Variants in OLA1 observed in about 807,000 individuals in gnomAD.
OLA1 encodes obg-like ATPase 1.
In OLA1, 14 loss-of-function variants were observed where a neutral mutation model predicts 48.4. That is an observed-to-expected ratio of 0.29 (90% confidence interval 0.19 to 0.45). The LOEUF (loss-of-function observed/expected upper bound fraction) is 0.45. Ranked by LOEUF, OLA1 falls within the 20% of genes least tolerant of loss-of-function variation. The probability of loss-of-function intolerance (pLI) is 1.00; values close to 1 mark genes in which losing one functional copy is unlikely to be tolerated. For missense variants in OLA1, 325 were observed against 467.1 expected (o/e 0.70, Z 2.80); for synonymous variants, 127 against 150.4 (o/e 0.84, Z 1.14).
chr2:174,087,894 T>G (rs1254807300), intron 7 of OLA1, among the ~76,000 whole-genome samples: 1 of 152,222 alleles, frequency 6.6e-6, no homozygotes, highest in East Asian at 1.9e-4. Flanking sequence ...TGATATACAT[T>G]AGGACATTCT....
chr2:174,203,631 G>A (rs1553488977), intron 4 of OLA1, among the ~76,000 whole-genome samples: 1 of 151,346 alleles, frequency 6.6e-6, no homozygotes, highest in Non-Finnish European at 1.5e-5. Flanking sequence ...TTCTATTCTC[G>A]GGACTTCTCC....
chr2:174,202,290 G>A (rs1448999109), intron 4 of OLA1, among the ~76,000 whole-genome samples: 1 of 152,122 alleles, frequency 6.6e-6, no homozygotes, highest in Admixed American at 6.6e-5. Context: ...AATCATAACT[G>A]CATAAAATTA....
intron 4 of OLA1, among the ~76,000 whole-genome samples, chr2:174,191,812 C>T (rs1366856697): frequency 2.6e-5 from 4 of 152,078 alleles, no homozygotes; most frequent in Admixed American, 1.3e-4. Context: ...TGGATCACAC[C>T]GTGCATTATC....
intron 4 of OLA1, among the ~76,000 whole-genome samples, chr2:174,216,789 C>G (rs748895853): frequency 2.0e-5 from 3 of 152,096 alleles, no homozygotes; most frequent in Non-Finnish European, 4.4e-5. Context: ...CTCAAGCAAT[C>G]CTCCTCCCTC....
At position 174,221,500 on chromosome 2, in the gene OLA1, T is replaced by C. The variant is rs148348603; in HGVS notation, c.373+1533A>G. On this transcript the variant is annotated intron_variant, in intron 4 of 10. Transcript: ENST00000284719. ...GATCCATAAGCCTTCCATTTTTCAG[T>C]GCTCTCCTATTTTCACTCCCACTCT... Among the ~76,000 whole-genome samples, 467 of 152,230 alleles carry C rather than the reference T, an allele frequency of 3.1e-3. 5 individuals carry two copies. The highest frequency in any genetic ancestry group is 0.01 in the African/African-American group (421 of 41,552).
chr2:174,073,720 T>A lies in OLA1; in HGVS notation c.*1706A>T, dbSNP rs1684660300. 1 of 152,210 alleles carries A rather than the reference T, an allele frequency of 6.6e-6. No homozygotes were observed. The highest frequency in any genetic ancestry group is 1.5e-5 in the Non-Finnish European group (1 of 68,032). The allele number at this position is 152,210 out of a possible 1,614,324, so 9.4% of individuals were successfully genotyped here. ...TTTAAGAAGTCCATGCAATTTACTT[T>A]GGAGAAGACCCAAAAGCAAGATATT... On this transcript the variant is annotated 3_prime_UTR_variant, in exon 11 of 11. Transcript: ENST00000284719.
chr2:174,143,004 T>C (rs1378035316), intron 4 of OLA1, among the ~76,000 whole-genome samples: 2 of 152,176 alleles, frequency 1.3e-5, no homozygotes, highest in African/African-American at 4.8e-5. Flanking sequence ...TCATGAGAGT[T>C]TGATTGAGTT....
At chr2:174,095,542 T>C (rs1370971076) in intron 7 of OLA1, among the ~76,000 whole-genome samples, 1 of 152,086 alleles carries the variant, frequency 6.6e-6, no homozygotes, top group Non-Finnish European at 1.5e-5. Flanking sequence ...GGGTTGTTTG[T>C]TGTAAAGTTT....
chr2:174,155,462 C>T (rs1686853765), intron 4 of OLA1, among the ~76,000 whole-genome samples: 1 of 152,128 alleles, frequency 6.6e-6, no homozygotes, highest in Admixed American at 6.5e-5. Context: ...TAGTGCTAAG[C>T]ATATCAATCA....
chr2:174,114,183 A>AT lies in OLA1; in HGVS notation c.728+8996_728+8997insA, dbSNP rs1283413490. Among the ~76,000 whole-genome samples the AT allele has an allele frequency of 1.3e-4, 19 of 148,408 alleles. 1 individual carries two copies. The highest frequency in any genetic ancestry group is 4.7e-4 in the African/African-American group (19 of 40,548). ...CTCTACTAAAAATACAAAAAAAAAA[A>AT]AAAAAAAAAATTAGCCAGCCTGGTG... On this transcript the variant is annotated intron_variant, in intron 7 of 10. Coordinates refer to ENST00000284719, the MANE Select transcript of OLA1 (RefSeq NM_013341.5).
At chr2:174,163,951 G>A (rs1051634877) in intron 4 of OLA1, among the ~76,000 whole-genome samples, 2 of 151,586 alleles carry the variant, frequency 1.3e-5, no homozygotes, top group African/African-American at 4.8e-5. Context: ...ATCTTGAATT[G>A]TAGTACCCAC....
chr2:174,229,419 C>G lies in OLA1; in HGVS notation c.134G>C (p.Ser45Thr). The G allele has an allele frequency of 1.2e-6, 2 of 1,613,464 alleles. No individual in the cohort carries two copies. The highest frequency in any genetic ancestry group is 1.7e-6 in the Non-Finnish European group (2 of 1,179,656). ...KSTFFNVLTN[S>T]QASAENFPFC... ...CGGGAAGTTTTCTGCTGAAGCCTGA[C>G]TATTGGTTAACACATTGAAGAAAGT... The change falls in exon 3 of 11, where the codon AGT (serine) becomes ACT (threonine). Residue 45 changes from serine to threonine, a missense_variant. By Grantham distance (58) the Ser-to-Thr change is moderately conservative (BLOSUM62 1). Transcript: ENST00000284719.
At chr2:174,212,460 A>G (rs10200513) in intron 4 of OLA1, among the ~76,000 whole-genome samples, 78,604 of 151,600 alleles carry the variant, frequency 0.52, 20,895 homozygotes, top group East Asian at 0.94. Flanking sequence ...GACATAGACA[A>G]GTGTAGACTT....
chr2:174,109,140 A>C (rs1025482080), intron 7 of OLA1, among the ~76,000 whole-genome samples: 6 of 152,190 alleles, frequency 3.9e-5, no homozygotes, highest in African/African-American at 1.4e-4. Flanking sequence ...ATAGCAAAAA[A>C]AGTCTATTAA....
chr2:174,114,341 C>CAAAAAAAAAAAAAAAAAA (rs76471043), intron 7 of OLA1, among the ~76,000 whole-genome samples: 1 of 60,630 alleles, frequency 1.6e-5, no homozygotes. Flanking sequence ...GACTCCGCCT[C>CAAAAAAAAAAAAAAAAAA]AAAAAAAAAA....
At chr2:174,085,958 C>T (rs1439850407) in intron 7 of OLA1, among the ~76,000 whole-genome samples, 2 of 152,112 alleles carry the variant, frequency 1.3e-5, no homozygotes, top group Admixed American at 6.5e-5. Flanking sequence ...TCTTTCAGGA[C>T]AGTTGGTTCC....
rs1460048810 is a variant in OLA1, at chr2:174,073,588, CT to C, written c.*1837del. 3 of 152,146 alleles carry C rather than the reference CT, an allele frequency of 2.0e-5. No individual in the cohort carries two copies. Among genetic ancestry groups the C allele is most frequent in the African/African-American group, 7.2e-5 (3 of 41,424 alleles). The allele number at this position is 152,146 out of a possible 1,614,324, so 9.4% of individuals were successfully genotyped here. A position where few individuals can be genotyped will look rare whatever the true frequency, so the allele number is the denominator to read the frequency against. On this transcript the variant is annotated 3_prime_UTR_variant, in exon 11 of 11. Transcript: ENST00000284719. ...AATGCAGTTACCTCAAAACTAACTC[CT>C]TTCTTTTATTAATGGTTCTGTTGCA...
rs1296579126 is a variant in OLA1 at position 174,241,477 on chromosome 2, A to C, written c.101+5238T>G. ...TTCACAGACGCTGTGATTGGTCTGCAGAAATTTGGGAGAAGGCAATTTGCA... is the reference window on the plus strand; with the variant it reads ...TTCACAGACGCTGTGATTGGTCTGCCGAAATTTGGGAGAAGGCAATTTGCA... On this transcript the variant is annotated intron_variant, in intron 2 of 10. Coordinates refer to ENST00000284719, the MANE Select transcript of OLA1 (RefSeq NM_013341.5). 2.0e-5 allele frequency among the ~76,000 whole-genome samples: 3 copies of C among 152,146 alleles called. No individual in the cohort carries two copies. The East Asian group carries it at 5.8e-4, about 29-fold the overall frequency.
intron 7 of OLA1, among the ~76,000 whole-genome samples, chr2:174,106,006 T>C (rs1301872994): frequency 8.8e-6 from 1 of 113,552 alleles, no homozygotes; most frequent in Non-Finnish European, 1.8e-5. Flanking sequence ...GTCAACTGCT[T>C]AACCAATACT....
Sources: gnomAD v4.1 joint callset for allele counts (sites outside exome capture counted in the v4.1 genomes callset) on GRCh38, gnomAD v4.1.1 for gene constraint, MANE v1.5 for transcripts, NCBI Gene and HGNC (gene_info 2026-07-23, HGNC 2026-07-21) for gene names.